The following XDH variants were observed in gnomAD, a reference collection of about 807,000 sequenced individuals.
XDH encodes xanthine dehydrogenase/oxidase.
XDH carries 138 observed loss-of-function variants against 156.1 expected under a neutral mutation model. That is an observed-to-expected ratio of 0.88 (90% confidence interval 0.77 to 1.02). XDH has a LOEUF of 1.02. XDH is among the 50% of genes least tolerant of loss of function. XDH has a pLI of 0.00. For synonymous variants in XDH, 669 were observed against 625.7 expected, an observed-to-expected ratio of 1.07 and a Z score of -1.03; for missense variants, 1,849 against 1,684.9, an observed-to-expected ratio of 1.10 and a Z score of -1.71.
At position 31,403,122 on chromosome 2, in the gene XDH, G is replaced by A. The variant is rs762927009; in HGVS notation, c.123C>T (p.Leu41=). The change falls in exon 3 of 36, where the codon CTC becomes CTT. Residue 41 remains leucine, a synonymous_variant. Coordinates refer to ENST00000379416, the MANE Select transcript of XDH (RefSeq NM_000379.4). ...CCCCGCAGCCCCCCTCTCCACAGCC[G>A]AGCTTGGTTCCACTCAGCCCCACTG... is the stretch of plus-strand genomic sequence containing the variant. ...RRKLGLSGTK[L]GCGEGGCGAC... 21 of 1,614,014 alleles carry A rather than the reference G, an allele frequency of 1.3e-5. No homozygotes were observed. Among genetic ancestry groups the A allele is most frequent in the South Asian group, 3.3e-5 (3 of 91,086 alleles).
rs1474035736 is a variant in XDH, at chr2:31,383,855, G to A, written c.794-8C>T. On this transcript the variant is annotated splice_region_variant and splice_polypyrimidine_tract_variant and intron_variant, in intron 9 of 35. Transcript: ENST00000379416. ...TGAACTTCATCTCAATGCCTAGAGA[G>A]AAACAAGAAGCTGAAGTTGTAGGCC... The A allele has an allele frequency of 1.2e-6, 2 of 1,613,100 alleles. No individual in the cohort carries two copies. The highest frequency in any genetic ancestry group is 1.7e-6 in the Non-Finnish European group (2 of 1,179,552).
At chr2:31,371,048 A>T (rs1686057797) in intron 17 of XDH, among the ~76,000 whole-genome samples, 1 of 152,204 alleles carries the variant, frequency 6.6e-6, no homozygotes, top group African/African-American at 2.4e-5. Flanking sequence ...GAACAGCTTC[A>T]TAAAGCTGGA....
At chr2:31,343,312 A>ATATATATATATATATGCATGTTTC (rs1685182763) in intron 31 of XDH, among the ~76,000 whole-genome samples, 1 of 136,590 alleles carries the variant, frequency 7.3e-6, no homozygotes, top group East Asian at 2.0e-4. Context: ...ATATATATAT[A>ATATATATATATATATGCATGTTTC]TATATATATA....
chr2:31,394,747 T>C (rs1178039558), intron 6 of XDH, among the ~76,000 whole-genome samples: 5 of 152,132 alleles, frequency 3.3e-5, no homozygotes, highest in Non-Finnish European at 7.4e-5. Flanking sequence ...CTTTTCTCTG[T>C]TTTTTGGTTT....
chr2:31,366,047 C>T lies in XDH; in HGVS notation c.2385G>A (p.Met795Ile), dbSNP rs1357462413. 1 of 1,614,216 alleles carries T rather than the reference C, an allele frequency of 6.2e-7. No homozygotes were observed. The change falls in exon 22 of 36, where the codon ATG becomes ATA. Residue 795 changes from methionine to isoleucine, a missense_variant. By Grantham distance (10) the Met-to-Ile change is conservative. Coordinates refer to ENST00000379416, the MANE Select transcript of XDH (RefSeq NM_000379.4). ...TCTCCTTGCCTCCAAAGCCTCCTCC[C>T]ATTCTCTTCACTCGAACCACAATCC... ...ANRIVVRVKR[M>I]GGGFGGKETR... is the part of the protein sequence containing the mutation.
chr2:31,381,710 A>C lies in XDH; in HGVS notation c.1055T>G (p.Ile352Ser), dbSNP rs779321370. Reference sequence around the variant, plus strand: ...GTCGGAGATGGGGCTGGCAGTGATGATGTTCCCTCCAACGGACTAAAACAA... The same window carrying C: ...GTCGGAGATGGGGCTGGCAGTGATGCTGTTCCCTCCAACGGACTAAAACAA... ...VKSVASVGGN[I>S]ITASPISDLN... The change falls in exon 12 of 36, where the codon ATC becomes AGC. Residue 352 changes from isoleucine (I) to serine (S), a missense_variant. Transcript: ENST00000379416. The C allele has an allele frequency of 6.2e-7, 1 of 1,613,780 alleles. No homozygotes were observed. Among genetic ancestry groups the C allele is most frequent in the Non-Finnish European group, 8.5e-7 (1 of 1,179,892 alleles).
intron 1 of XDH, among the ~76,000 whole-genome samples, chr2:31,408,460 G>A (rs1355501388): frequency 6.6e-6 from 1 of 152,194 alleles, no homozygotes; most frequent in African/African-American, 2.4e-5. Flanking sequence ...GTGAGTTAAG[G>A]AAATGTTGGG....
chr2:31,376,045 A>T (rs1238408278), intron 14 of XDH, among the ~76,000 whole-genome samples: 1 of 152,158 alleles, frequency 6.6e-6, no homozygotes, highest in Non-Finnish European at 1.5e-5. Context: ...ATTTCCTAGG[A>T]TAATGTTAGT....
rs1204829540 is a variant in XDH, at chr2:31,386,399, C to T, written c.793+15G>A. The stretch of plus-strand genomic sequence containing the variant: ...GACCCCCTGGCAGCCCCAGGGCAGC[C>T]TCCCTGGCCCTTACCAATCTCCGTG... On this transcript the variant is annotated intron_variant, in intron 9 of 35. Coordinates refer to ENST00000379416, the MANE Select transcript of XDH (RefSeq NM_000379.4). The T allele has an allele frequency of 6.2e-7, 1 of 1,611,482 alleles. No individual in the cohort carries two copies. The highest frequency in any genetic ancestry group is 1.7e-5 in the Admixed American group (1 of 60,024).
At chr2:31,378,119 G>GAAAGAAAGA (rs1558696689) in intron 13 of XDH, among the ~76,000 whole-genome samples, 1 of 36,538 alleles carries the variant, frequency 2.7e-5, no homozygotes, top group Non-Finnish European at 5.4e-5. Context: ...AGGAAGGAAG[G>GAAAGAAAGA]AAGGAAGGAA....
chr2:31,336,547 G>A (rs1319366011), intron 35 of XDH, among the ~76,000 whole-genome samples: 1 of 151,944 alleles, frequency 6.6e-6, no homozygotes, highest in African/African-American at 2.4e-5. Context: ...ATAGTGGGAA[G>A]GTTCTGGGCT....
chr2:31,389,596 C>G (rs951617075), intron 6 of XDH: 2 of 152,204 alleles, frequency 1.3e-5, no homozygotes, highest in African/African-American at 4.8e-5. Context: ...TCCCACTCAC[C>G]TGGCCCTCTG....
intron 33 of XDH, among the ~76,000 whole-genome samples, chr2:31,340,939 G>A (rs1033886940): frequency 6.6e-6 from 1 of 152,168 alleles, no homozygotes; most frequent in Admixed American, 6.5e-5. Flanking sequence ...CTAGGTGGAG[G>A]AGGAATGAGA....
chr2:31,356,799 A>G (rs1229215755), intron 24 of XDH, among the ~76,000 whole-genome samples: 3 of 152,212 alleles, frequency 2.0e-5, no homozygotes, highest in Non-Finnish European at 4.4e-5. Flanking sequence ...TGCCCGTGGA[A>G]CTTGTATCAA....
chr2:31,401,621 A>C (rs1321634074), intron 3 of XDH, among the ~76,000 whole-genome samples: 7 of 152,086 alleles, frequency 4.6e-5, no homozygotes, highest in African/African-American at 1.7e-4. Context: ...ACTTTCAGTC[A>C]CCTCTTACTC....
At chr2:31,337,188 T>A (rs931630847) in intron 35 of XDH, among the ~76,000 whole-genome samples, 4 of 152,156 alleles carry the variant, frequency 2.6e-5, no homozygotes, top group Non-Finnish European at 5.9e-5. Flanking sequence ...GAATGGCACA[T>A]GATCATCACA....
chr2:31,383,650 G>A lies in XDH; in HGVS notation c.886+105C>T, dbSNP rs918366024. On this transcript the variant is annotated intron_variant, in intron 10 of 35. Transcript: ENST00000379416. ...AGGTGAGCCCCAGGAGAAGCAGGGG[G>A]CAGCCAGAGCCAGTGGGGAGACCAC... 1.1e-5 allele frequency: 12 copies of A among 1,056,292 alleles called. No homozygotes were observed. In the African/African-American group the frequency reaches 1.4e-4, roughly 12 times the overall value. 65.4% of individuals were successfully genotyped at this position (1,056,292 alleles called of 1,614,324 possible).
chr2:31,342,125 A>G, intron 32 of XDH, 58 bp downstream of exon 32: 18 of 1,468,994 alleles, frequency 1.2e-5, no homozygotes, highest in Non-Finnish European at 1.6e-5. Context: ...TAGGTATTAC[A>G]ACTCAGTTGT....
intron 1 of XDH, among the ~76,000 whole-genome samples, chr2:31,407,959 A>T (rs1687236256): frequency 6.6e-6 from 1 of 152,220 alleles, no homozygotes; most frequent in African/African-American, 2.4e-5. Flanking sequence ...TGTAGACAAC[A>T]TTAAGAGCCT....
Sources: allele counts gnomAD v4.1 joint callset (sites outside exome capture counted in the v4.1 genomes callset), GRCh38; gene constraint gnomAD v4.1.1; transcripts MANE v1.5; gene names NCBI Gene and HGNC (gene_info 2026-07-23, HGNC 2026-07-21).